Variants in FSD1L observed in about 807,000 individuals in gnomAD.
FSD1L encodes the protein FSD1-like protein.
In FSD1L, 45 loss-of-function variants were observed where a neutral mutation model predicts 71.6. The ratio of observed to expected loss-of-function variants is 0.63; its 90% CI spans 0.49 to 0.81. The LOEUF (loss-of-function observed/expected upper bound fraction) is 0.81. Among genes scored for constraint, FSD1L ranks in the 30% least tolerant of loss-of-function variants. The pLI is 0.00. For synonymous variants in FSD1L, 197 were observed against 207.2 expected, an observed-to-expected ratio of 0.95 and a Z score of 0.42; for missense variants, 561 against 618.1, an observed-to-expected ratio of 0.91 and a Z score of 0.98.
chr9:105,498,689 A>G (rs1833578840), intron 7 of FSD1L, among the ~76,000 whole-genome samples: 1 of 152,200 alleles, frequency 6.6e-6, no homozygotes, highest in Admixed American at 6.5e-5. Context: ...CGTTGCATTC[A>G]ACAAATTTTG....
chr9:105,533,142 A>G (rs1836004259), intron 10 of FSD1L, among the ~76,000 whole-genome samples: 1 of 152,132 alleles, frequency 6.6e-6, no homozygotes, highest in Admixed American at 6.5e-5. Context: ...TTATCCCCAT[A>G]TCCCCCAAAT....
chr9:105,511,487 A>C (rs1206923836), intron 9 of FSD1L, among the ~76,000 whole-genome samples: 4 of 152,118 alleles, frequency 2.6e-5, no homozygotes, highest in Non-Finnish European at 5.9e-5. Flanking sequence ...ACCTTTTGGT[A>C]ACCTGTCTAT....
In FSD1L at chr9:105,510,294, G is replaced by A. The variant is rs199807808; in HGVS notation, c.895+1579G>A. Among the ~76,000 whole-genome samples, 15 of 152,334 alleles carry A rather than the reference G, an allele frequency of 9.8e-5. 1 individual carries two copies. The East Asian group carries it at 2.9e-3, about 29-fold the overall frequency. On this transcript the variant is annotated intron_variant, in intron 9 of 13. Transcript: ENST00000481272. ...TCAACTCTGAGACCCACAAAACAGT[G>A]ATTCTGACCTTCAGGGAGTTCCAGA...
At chr9:105,508,507 C>G (rs1419837986) in intron 8 of FSD1L, 110 bp from the exon 9 acceptor site, 4 of 661,418 alleles carry the variant, frequency 6.0e-6, no homozygotes, top group Non-Finnish European at 1.1e-5. Context: ...AATTCATACT[C>G]TTCCTGAATA....
At chr9:105,487,367 G>A (rs1332089477) in intron 7 of FSD1L, among the ~76,000 whole-genome samples, 1 of 150,960 alleles carries the variant, frequency 6.6e-6, no homozygotes, top group Non-Finnish European at 1.5e-5. Context: ...CAGTTTATAT[G>A]TACTGGAAAA....
intron 10 of FSD1L, chr9:105,524,253 C>A (rs1175810441): frequency 6.2e-7 from 1 of 1,612,200 alleles, no homozygotes; most frequent in Non-Finnish European, 8.5e-7. Context: ...AACAGTAGCC[C>A]ACGTAGCTTG....
intron 7 of FSD1L, among the ~76,000 whole-genome samples, chr9:105,489,854 G>C (rs539665462): frequency 6.6e-6 from 1 of 152,146 alleles, no homozygotes; most frequent in African/African-American, 2.4e-5. Flanking sequence ...TTATGGCTGC[G>C]TAGTATTCCA....
rs1164560104 is a variant in FSD1L, at chr9:105,523,443, A to T, written c.1025+10507A>T. On this transcript the variant is annotated intron_variant, in intron 10 of 13. Coordinates refer to ENST00000481272, the MANE Select transcript of FSD1L (RefSeq NM_001145313.3). ...ATGGCATGCTGATGTTGCTACTGTA[A>T]TGTGGCGAAGAATGCTAGGCATTTT... 8 of 1,607,506 alleles carry T rather than the reference A, an allele frequency of 5.0e-6. No individual in the cohort carries two copies. The East Asian group carries it at 1.3e-4, about 27-fold the overall frequency.
At chr9:105,493,801 T>G (rs1476152968) in intron 7 of FSD1L, among the ~76,000 whole-genome samples, 1 of 152,192 alleles carries the variant, frequency 6.6e-6, no homozygotes, top group Non-Finnish European at 1.5e-5. Context: ...TTGAAAATTC[T>G]TTTCTTTAAG....
chr9:105,450,378 C>T (rs963979034), intron 1 of FSD1L, among the ~76,000 whole-genome samples: 9 of 152,156 alleles, frequency 5.9e-5, no homozygotes, highest in Non-Finnish European at 2.9e-5. Context: ...TTGGGCTTTA[C>T]ATTAGTAAGA....
intron 7 of FSD1L, among the ~76,000 whole-genome samples, chr9:105,494,728 C>G (rs1564111635): frequency 6.6e-6 from 1 of 152,146 alleles, no homozygotes. Flanking sequence ...CAGACAGGAC[C>G]TCAGCTGCAG....
intron 4 of FSD1L, among the ~76,000 whole-genome samples, chr9:105,470,309 A>T (rs1831370890): frequency 1.3e-5 from 2 of 152,170 alleles, no homozygotes; most frequent in Admixed American, 1.3e-4. Context: ...GGATTTTGAC[A>T]GTGATTACAT....
At chr9:105,531,987 A>G (rs1835922983) in intron 10 of FSD1L, among the ~76,000 whole-genome samples, 1 of 152,178 alleles carries the variant, frequency 6.6e-6, no homozygotes, top group South Asian at 2.1e-4. Flanking sequence ...CTTTCATGAA[A>G]TGTTTCCAGA....
chr9:105,504,963 T>A (rs1271637696), intron 7 of FSD1L, among the ~76,000 whole-genome samples: 15 of 152,168 alleles, frequency 9.9e-5, no homozygotes, highest in Admixed American at 9.8e-4. Context: ...ATATACAATT[T>A]CCCCTGTTAT....
Position 105,533,416 on chromosome 9 carries a change from C to CTTTTTTTTT in FSD1L, c.1026-1061_1026-1053dup, listed in dbSNP as rs754896606. Among the ~76,000 whole-genome samples the CTTTTTTTTT allele has an allele frequency of 7.8e-3, 226 of 29,060 alleles. 74 individuals carry two copies. The highest frequency in any genetic ancestry group is 0.018 in the African/African-American group (144 of 7,802). 19.1% of individuals were successfully genotyped at this position (29,060 alleles called of 152,430 possible). A position where few individuals can be genotyped will look rare whatever the true frequency, so the allele number is the denominator to read the frequency against. Reference sequence around the variant, plus strand: ...GGATTTGGATAATTGCCATTTCCATCTTTTTTTTTTTTTTTTTTTTTTTTG... The same window carrying CTTTTTTTTT: ...GGATTTGGATAATTGCCATTTCCATCTTTTTTTTTTTTTTTTTTTTTTTTTTTTTTTTTG... On this transcript the variant is annotated intron_variant, in intron 10 of 13. Coordinates refer to ENST00000481272, the MANE Select transcript of FSD1L (RefSeq NM_001145313.3).
chr9:105,462,240 G>C (rs561997411), intron 2 of FSD1L, among the ~76,000 whole-genome samples: 2 of 148,942 alleles, frequency 1.3e-5, no homozygotes, highest in Non-Finnish European at 3.0e-5. Context: ...TTTTGAGATG[G>C]AATCTTGCTC....
chr9:105,505,185 A>G (rs1833980702), intron 7 of FSD1L, among the ~76,000 whole-genome samples: 1 of 152,164 alleles, frequency 6.6e-6, no homozygotes, highest in African/African-American at 2.4e-5. Context: ...CCGCTTATTC[A>G]TCTCTTATAT....
intron 10 of FSD1L, chr9:105,521,905 T>C (rs1835189039): frequency 1.9e-6 from 3 of 1,612,430 alleles, no homozygotes; most frequent in Admixed American, 3.3e-5. Context: ...AAAAATCTTC[T>C]GGATGAACAC....
chr9:105,530,409 CCTTA>C lies in FSD1L; in HGVS notation c.1026-4079_1026-4076del, dbSNP rs141207844. 1,243 of 496,248 alleles carry C rather than the reference CCTTA, an allele frequency of 2.5e-3. 17 individuals are homozygous for C. The highest frequency in any genetic ancestry group is 0.022 in the African/African-American group (1,081 of 49,958). The allele number at this position is 496,248 out of a possible 1,614,324, so 30.7% of individuals were successfully genotyped here. On this transcript the variant is annotated intron_variant, in intron 10 of 13. Coordinates refer to ENST00000481272, the MANE Select transcript of FSD1L (RefSeq NM_001145313.3). Reference sequence around the variant, plus strand: ...TGGAATGCTGCAATGGAAGAGTTTTCCTTACTTAACTTTTCTCTGAAATTAAACT... The same window carrying C: ...TGGAATGCTGCAATGGAAGAGTTTTCCTTAACTTTTCTCTGAAATTAAACT...
Sources: gnomAD v4.1 joint callset for allele counts (sites outside exome capture counted in the v4.1 genomes callset) on GRCh38, gnomAD v4.1.1 for gene constraint, MANE v1.5 for transcripts, NCBI Gene and HGNC (gene_info 2026-07-23, HGNC 2026-07-21) for gene names.